Variants in MB21D2 observed in about 807,000 individuals in gnomAD.
MB21D2 encodes the protein nucleotidyltransferase MB21D2.
Under a neutral mutation model 33.3 loss-of-function variants are expected in MB21D2, and 9 were observed. The ratio of observed to expected loss-of-function variants is 0.27; its 90% CI spans 0.16 to 0.47. The LOEUF (loss-of-function observed/expected upper bound fraction) is 0.47. Among genes scored for constraint, MB21D2 ranks in the 20% least tolerant of loss-of-function variants. MB21D2 has a pLI of 0.99. For missense variants in MB21D2, 540 were observed against 624.6 expected, an observed-to-expected ratio of 0.86 and a Z score of 1.44; for synonymous variants, 241 against 236.3, an observed-to-expected ratio of 1.02 and a Z score of -0.18.
At chr3:192,869,288 G>A (rs1713237120) in intron 1 of MB21D2, among the ~76,000 whole-genome samples, 1 of 120,936 alleles carries the variant, frequency 8.3e-6, no homozygotes, top group Admixed American at 7.9e-5. Context: ...GAAGGAAGGA[G>A]GGGAGGAGGG....
At chr3:192,863,032 G>T (rs758862121) in intron 1 of MB21D2, among the ~76,000 whole-genome samples, 1 of 152,152 alleles carries the variant, frequency 6.6e-6, no homozygotes, top group African/African-American at 2.4e-5. Flanking sequence ...CCTGCTGAAG[G>T]TTCCATCTCT....
intron 1 of MB21D2, among the ~76,000 whole-genome samples, chr3:192,831,283 C>T (rs770534606): frequency 7.9e-5 from 12 of 152,116 alleles, no homozygotes; most frequent in Non-Finnish European, 1.5e-4. Flanking sequence ...CATGTGAGTC[C>T]GGTGGAAACT....
chr3:192,802,984 G>A (rs1711587630), intron 1 of MB21D2, among the ~76,000 whole-genome samples: 1 of 152,216 alleles, frequency 6.6e-6, no homozygotes, highest in African/African-American at 2.4e-5. Flanking sequence ...CTGGACAGAA[G>A]CAAACTGGCT....
At chr3:192,819,553 T>G (rs1222392079) in intron 1 of MB21D2, among the ~76,000 whole-genome samples, 1 of 152,148 alleles carries the variant, frequency 6.6e-6, no homozygotes, top group Non-Finnish European at 1.5e-5. Context: ...TATGCTTCTA[T>G]TTGAGGGAAG....
chr3:192,904,480 A>G (rs1294158950), intron 1 of MB21D2, among the ~76,000 whole-genome samples: 3 of 152,246 alleles, frequency 2.0e-5, no homozygotes, highest in Non-Finnish European at 4.4e-5. Flanking sequence ...AAAATCCACA[A>G]CATCTAAAGT....
intron 1 of MB21D2, among the ~76,000 whole-genome samples, chr3:192,885,219 G>A (rs947423688): frequency 1.3e-5 from 2 of 152,108 alleles, no homozygotes; most frequent in African/African-American, 4.8e-5. Context: ...AAGAGATCTT[G>A]ATATAGACAA....
chr3:192,910,950 T>C (rs1406570752), intron 1 of MB21D2, among the ~76,000 whole-genome samples: 3 of 152,186 alleles, frequency 2.0e-5, no homozygotes, highest in East Asian at 1.9e-4. Flanking sequence ...AGATTCAGAA[T>C]TGAATGCACC....
At chr3:192,852,611 C>T (rs555773500) in intron 1 of MB21D2, among the ~76,000 whole-genome samples, 2 of 152,266 alleles carry the variant, frequency 1.3e-5, no homozygotes, top group African/African-American at 4.8e-5. Context: ...TTTCTTGCAT[C>T]CTTTTGAATC....
intron 1 of MB21D2, among the ~76,000 whole-genome samples, chr3:192,861,802 T>C (rs1713049272): frequency 6.6e-6 from 1 of 151,772 alleles, no homozygotes; most frequent in Non-Finnish European, 1.5e-5. Flanking sequence ...CAAAACTCCA[T>C]CCCAAAAAAC....
At chr3:192,907,199 C>T (rs1241877702) in intron 1 of MB21D2, among the ~76,000 whole-genome samples, 3 of 152,122 alleles carry the variant, frequency 2.0e-5, no homozygotes, top group Non-Finnish European at 4.4e-5. Flanking sequence ...CAAGTACTTA[C>T]CCAGGTCTAT....
intron 1 of MB21D2, among the ~76,000 whole-genome samples, chr3:192,855,601 A>T (rs113678584): frequency 0.014 from 2,207 of 152,312 alleles, 60 homozygotes; most frequent in African/African-American, 0.05. Context: ...ACAAATAAGG[A>T]AACTGAAGTT....
At chr3:192,905,037 GAACA>G (rs1025442244) in intron 1 of MB21D2, among the ~76,000 whole-genome samples, 14 of 152,338 alleles carry the variant, frequency 9.2e-5, no homozygotes, top group African/African-American at 2.2e-4. Context: ...ACAGTTGAAA[GAACA>G]AACTGTTGAG....
In MB21D2 at chr3:192,893,411, T is replaced by A. The variant is rs1002506246; in HGVS notation, c.211+24219A>T. 2.4e-4 allele frequency among the ~76,000 whole-genome samples: 37 copies of A among 152,310 alleles called. 1 individual carries two copies. The East Asian group carries it at 6.5e-3, about 27-fold the overall frequency. ...TGATATCAGTAAGAGGCAACTCTAC[T>A]TACGGAGTCCTAAAATCACAGACCA... On this transcript the variant is annotated intron_variant, in intron 1 of 1. Transcript: ENST00000392452.
In MB21D2 at chr3:192,859,103, G is replaced by A. The variant is rs540799940; in HGVS notation, c.211+58527C>T. ...AGCCATGCTGGCCGGCTCCAACAGC[G>A]TCACACAAAGCCCACGGACCCAGAG... On this transcript the variant is annotated intron_variant, in intron 1 of 1. Coordinates refer to ENST00000392452, the MANE Select transcript of MB21D2 (RefSeq NM_178496.4). Among the ~76,000 whole-genome samples the A allele has an allele frequency of 7.2e-5, 11 of 152,210 alleles. No homozygotes were observed. The East Asian group carries it at 1.5e-3, about 21-fold the overall frequency.
chr3:192,823,062 A>G (rs1358406861), intron 1 of MB21D2, among the ~76,000 whole-genome samples: 1 of 152,222 alleles, frequency 6.6e-6, no homozygotes, highest in African/African-American at 2.4e-5. Flanking sequence ...GCCATATCTG[A>G]TACATTTATA....
At chr3:192,823,397 TA>T (rs1344380878) in intron 1 of MB21D2, among the ~76,000 whole-genome samples, 1 of 152,196 alleles carries the variant, frequency 6.6e-6, no homozygotes, top group Non-Finnish European at 1.5e-5. Context: ...CTCATGCCTG[TA>T]ATCTCAGCAC....
At chr3:192,849,965 C>A (rs1187137994) in intron 1 of MB21D2, among the ~76,000 whole-genome samples, 1 of 150,258 alleles carries the variant, frequency 6.7e-6, no homozygotes, top group African/African-American at 2.4e-5. Context: ...GTCACCCAGG[C>A]CGGAGTGCAG....
chr3:192,885,682 G>A (rs1006123577), intron 1 of MB21D2, among the ~76,000 whole-genome samples: 20 of 152,242 alleles, frequency 1.3e-4, no homozygotes, highest in African/African-American at 4.8e-4. Context: ...ACAGGGCAAT[G>A]TGCAGGCTCT....
chr3:192,839,121 A>G (rs1482548117), intron 1 of MB21D2, among the ~76,000 whole-genome samples: 1 of 152,200 alleles, frequency 6.6e-6, no homozygotes, highest in Non-Finnish European at 1.5e-5. Context: ...TGTGAGGGCT[A>G]AAGAAGATAA....
Sources: allele counts gnomAD v4.1 joint callset (sites outside exome capture counted in the v4.1 genomes callset), GRCh38; gene constraint gnomAD v4.1.1; transcripts MANE v1.5; gene names NCBI Gene and HGNC (gene_info 2026-07-23, HGNC 2026-07-21).